The following DCC variants were observed in gnomAD, a reference collection of about 807,000 sequenced individuals.
DCC encodes DCC netrin 1 receptor.
DCC carries 58 observed loss-of-function variants against 172.5 expected under a neutral mutation model. The ratio of observed to expected loss-of-function variants is 0.34; its 90% CI spans 0.27 to 0.42. The LOEUF is 0.42. Among genes scored for constraint, DCC ranks in the 10% least tolerant of loss-of-function variants. The pLI, the probability that DCC is intolerant of heterozygous loss-of-function variation, is 1.00. For synonymous variants in DCC, 709 were observed against 644.5 expected (o/e 1.10, Z -1.52); for missense variants, 1,740 against 1,791.0 (o/e 0.97, Z 0.51).
intron 1 of DCC, among the ~76,000 whole-genome samples, chr18:52,626,891 G>A (rs1187611676): frequency 6.6e-6 from 1 of 152,114 alleles, no homozygotes; most frequent in African/African-American, 2.4e-5. Flanking sequence ...GACAAAAAAT[G>A]TGAGCATCTG....
intron 1 of DCC, among the ~76,000 whole-genome samples, chr18:52,470,844 G>A (rs1248744567): frequency 1.3e-5 from 2 of 152,172 alleles, no homozygotes; most frequent in African/African-American, 2.4e-5. Context: ...GGCAGGGGCT[G>A]TAACCTTCAA....
intron 5 of DCC, among the ~76,000 whole-genome samples, chr18:53,001,152 G>T (rs1364364117): frequency 3.3e-5 from 5 of 152,028 alleles, no homozygotes; most frequent in Non-Finnish European, 7.4e-5. Context: ...ATTCAGACTT[G>T]ACTGATTAAT....
At chr18:52,624,382 C>G (rs554536894) in intron 1 of DCC, among the ~76,000 whole-genome samples, 2 of 152,260 alleles carry the variant, frequency 1.3e-5, no homozygotes, top group East Asian at 3.9e-4. Context: ...TCATTACCTT[C>G]TAAGCTTCAA....
At chr18:52,483,532 T>C (rs567622723) in intron 1 of DCC, among the ~76,000 whole-genome samples, 38 of 152,220 alleles carry the variant, frequency 2.5e-4, no homozygotes, top group African/African-American at 8.2e-4. Context: ...GACTTCTAGG[T>C]TGTAAATCAT....
intron 7 of DCC, among the ~76,000 whole-genome samples, chr18:53,084,451 T>C (rs182199980): frequency 6.8e-4 from 104 of 152,326 alleles, no homozygotes; most frequent in African/African-American, 2.5e-3. Flanking sequence ...CAAGTACCTA[T>C]ACTTTTTTAT....
chr18:53,262,317 T>G (rs1029048061), intron 12 of DCC, among the ~76,000 whole-genome samples: 8 of 152,210 alleles, frequency 5.3e-5, no homozygotes, highest in Non-Finnish European at 4.4e-5. Context: ...AAATGCTATT[T>G]TCTGCAAATT....
rs1598897284 is a variant in DCC, at chr18:53,198,148, A to G, written c.1574-7068A>G. On this transcript the variant is annotated intron_variant, in intron 9 of 28. Coordinates refer to ENST00000442544, the MANE Select transcript of DCC (RefSeq NM_005215.4). ...CACTATGAATGATTTGATGATAAAG[A>G]ATCACTGATTTTCACAACCAAAAGA... Among the ~76,000 whole-genome samples, 5 of 152,194 alleles carry G rather than the reference A, an allele frequency of 3.3e-5. No homozygotes were observed. The South Asian group carries it at 1.0e-3, about 31-fold the overall frequency.
chr18:52,812,081 T>C (rs1480930503), intron 2 of DCC, among the ~76,000 whole-genome samples: 4 of 152,304 alleles, frequency 2.6e-5, no homozygotes, highest in African/African-American at 7.2e-5. Context: ...TTTTCATAAG[T>C]AGAAACCTTG....
chr18:53,120,286 G>A (rs189550922), intron 7 of DCC, among the ~76,000 whole-genome samples: 13 of 151,808 alleles, frequency 8.6e-5, no homozygotes, highest in Admixed American at 7.9e-4. Context: ...AATTAGTATA[G>A]AATAAAAACA....
At chr18:52,965,705 C>CCA (rs931160771) in intron 5 of DCC, among the ~76,000 whole-genome samples, 3 of 151,886 alleles carry the variant, frequency 2.0e-5, no homozygotes, top group African/African-American at 7.3e-5. Flanking sequence ...ATAAACTATC[C>CCA]CACACACACA....
intron 11 of DCC, among the ~76,000 whole-genome samples, chr18:53,209,036 G>A (rs1380655361): frequency 6.6e-6 from 1 of 152,072 alleles, no homozygotes; most frequent in African/African-American, 2.4e-5. Context: ...CAGCCTCAAG[G>A]GATTTTCCTG....
chr18:52,541,878 T>TATATATATATATATAC (rs1437848256), intron 1 of DCC, among the ~76,000 whole-genome samples: 9 of 136,704 alleles, frequency 6.6e-5, no homozygotes, highest in African/African-American at 1.6e-4. Context: ...TGTGTGTGTA[T>TATATATATATATATAC]ATATATATAT....
intron 4 of DCC, among the ~76,000 whole-genome samples, chr18:52,924,750 G>A (rs945281030): frequency 1.3e-5 from 2 of 151,948 alleles, no homozygotes; most frequent in African/African-American, 4.8e-5. Flanking sequence ...GTATTTTTGA[G>A]AACATTAGAA....
At chr18:52,717,708 G>C (rs996779930) in intron 1 of DCC, among the ~76,000 whole-genome samples, 1 of 152,034 alleles carries the variant, frequency 6.6e-6, no homozygotes, top group Non-Finnish European at 1.5e-5. Flanking sequence ...TTAGGGTTTC[G>C]CTGGTGCTGT....
intron 5 of DCC, among the ~76,000 whole-genome samples, chr18:52,989,168 T>C (rs2041342123): frequency 6.6e-6 from 1 of 152,160 alleles, no homozygotes; most frequent in African/African-American, 2.4e-5. Flanking sequence ...CTTCAGATTA[T>C]AGTTTTTTAA....
chr18:52,365,614 A>G (rs1251406776), intron 1 of DCC, among the ~76,000 whole-genome samples: 1 of 152,136 alleles, frequency 6.6e-6, no homozygotes, highest in Non-Finnish European at 1.5e-5. Context: ...GGGATGCAGC[A>G]AAGGGATGCT....
intron 5 of DCC, among the ~76,000 whole-genome samples, chr18:52,952,456 A>G (rs2040665061): frequency 6.6e-6 from 1 of 152,192 alleles, no homozygotes; most frequent in Non-Finnish European, 1.5e-5. Flanking sequence ...CTATTTTCTT[A>G]TCTACTTATA....
intron 1 of DCC, among the ~76,000 whole-genome samples, chr18:52,621,999 TAAG>T (rs1304056843): frequency 6.6e-6 from 1 of 152,124 alleles, no homozygotes; most frequent in African/African-American, 2.4e-5. Context: ...TTACTAATAA[TAAG>T]AATTTATTTG....
At chr18:52,815,172 C>T (rs2038270393) in intron 2 of DCC, among the ~76,000 whole-genome samples, 1 of 151,986 alleles carries the variant, frequency 6.6e-6, no homozygotes, top group Non-Finnish European at 1.5e-5. Flanking sequence ...GAAATATGGA[C>T]TGATTAGCAT....
Sources: gnomAD v4.1 joint callset for allele counts (sites outside exome capture counted in the v4.1 genomes callset) on GRCh38, gnomAD v4.1.1 for gene constraint, MANE v1.5 for transcripts, NCBI Gene and HGNC (gene_info 2026-07-23, HGNC 2026-07-21) for gene names.